Variants in IRAK3 observed in about 807,000 individuals in gnomAD.
The protein encoded by IRAK3 is interleukin 1 receptor associated kinase 3.
In IRAK3, 57 loss-of-function variants were observed where a neutral mutation model predicts 56.6. The observed-to-expected ratio is 1.01, with a 90% CI of 0.81 to 1.26. IRAK3 has a LOEUF of 1.26. Among genes scored for constraint, IRAK3 ranks in the 50% most tolerant of loss-of-function variants. IRAK3 has a pLI of 0.00. For synonymous variants in IRAK3, 258 were observed against 255.7 expected (o/e 1.01, Z -0.09); for missense variants, 703 against 719.0 (o/e 0.98, Z 0.25).
chr12:66,235,244 TTGC>T, intron 8 of IRAK3: 1 of 1,598,998 alleles, frequency 6.3e-7, no homozygotes, highest in African/African-American at 1.3e-5. Flanking sequence ...CGTCCGGCAG[TTGC>T]TGCTGCCCCC....
chr12:66,235,137 T>A, intron 8 of IRAK3: 1 of 1,612,150 alleles, frequency 6.2e-7, no homozygotes, highest in Middle Eastern at 1.7e-4. Context: ...CATCCTGAGT[T>A]GCTGCTGCTG....
chr12:66,193,627 G>A (rs570894657), intron 1 of IRAK3, among the ~76,000 whole-genome samples: 1 of 56,952 alleles, frequency 1.8e-5, no homozygotes, highest in Non-Finnish European at 3.7e-5. Flanking sequence ...GACTTTCCTC[G>A]TTTTGAGGAG....
intron 2 of IRAK3, among the ~76,000 whole-genome samples, chr12:66,204,984 G>A (rs2052545482): frequency 6.6e-6 from 1 of 152,080 alleles, no homozygotes. Flanking sequence ...TCTTCACTTA[G>A]TTTAGGGCAG....
At chr12:66,191,098 C>CTCAAA (rs2052394703) in intron 1 of IRAK3, among the ~76,000 whole-genome samples, 1 of 152,114 alleles carries the variant, frequency 6.6e-6, no homozygotes, top group Non-Finnish European at 1.5e-5. Context: ...CAAAAGCAGA[C>CTCAAA]AGAGGATGGA....
chr12:66,235,355 G>A (rs1442970508), intron 8 of IRAK3: 8 of 1,041,548 alleles, frequency 7.7e-6, no homozygotes, highest in South Asian at 4.4e-5. Flanking sequence ...CGCCGCGAGG[G>A]GGAGGACGCA....
rs547408077 is a variant in IRAK3, at chr12:66,209,624, C to T, written c.381+104C>T. ...CAGAAAAATGCTGGATTTGCCGGCA[C>T]TTTTTAAAAATCAGAAATGCCTTTG... On this transcript the variant is annotated intron_variant, in intron 3 of 11. Coordinates refer to ENST00000261233, the MANE Select transcript of IRAK3 (RefSeq NM_007199.3). The T allele has an allele frequency of 3.9e-6, 3 of 776,644 alleles. No individual in the cohort carries two copies. The East Asian group carries it at 7.4e-5, about 19-fold the overall frequency. The allele number at this position is 776,644 out of a possible 1,614,324, so 48.1% of individuals were successfully genotyped here.
intron 2 of IRAK3, among the ~76,000 whole-genome samples, chr12:66,204,772 C>G (rs1311145119): frequency 9.0e-6 from 1 of 111,456 alleles, no homozygotes; most frequent in African/African-American, 4.4e-5. Context: ...GCGCATGAGC[C>G]CTTGCGCACA....
intron 8 of IRAK3, among the ~76,000 whole-genome samples, chr12:66,240,387 C>G (rs2052954367): frequency 6.6e-6 from 1 of 152,182 alleles, no homozygotes; most frequent in African/African-American, 2.4e-5. Context: ...TACTGTGTCT[C>G]TCAGACCTGC....
Position 66,245,275 on chromosome 12 carries a change from A to G in IRAK3, c.1314+13A>G, listed in dbSNP as rs372778511. 15 of 1,613,680 alleles carry G rather than the reference A, an allele frequency of 9.3e-6. 1 individual carries two copies. Among genetic ancestry groups the G allele is most frequent in the South Asian group, 7.7e-5 (7 of 91,060 alleles). On this transcript the variant is annotated intron_variant, in intron 11 of 11. Coordinates refer to ENST00000261233, the MANE Select transcript of IRAK3 (RefSeq NM_007199.3). The stretch of plus-strand genomic sequence containing the variant: ...ATCAATGGATGAAGTGAGTATATAC[A>G]TGGTTTTATTCAAAACTGAGCCCAC...
chr12:66,249,191 T>G lies in IRAK3; in HGVS notation c.*1020T>G, dbSNP rs1048382217. The G allele has an allele frequency of 6.6e-6, 1 of 151,816 alleles. No individual in the cohort carries two copies. The highest frequency in any genetic ancestry group is 1.5e-5 in the Non-Finnish European group (1 of 67,972). 9.4% of individuals were successfully genotyped at this position (151,816 alleles called of 1,614,324 possible). Reference sequence around the variant, plus strand: ...ATCTCTTTTTTTTTTTGAGACGGAGTCTCGCTCTGTCATCCAGGCTGGAGT... The same window carrying G: ...ATCTCTTTTTTTTTTTGAGACGGAGGCTCGCTCTGTCATCCAGGCTGGAGT... On this transcript the variant is annotated 3_prime_UTR_variant, in exon 12 of 12. Transcript: ENST00000261233.
At chr12:66,227,690 A>G (rs2052801157) in intron 7 of IRAK3, among the ~76,000 whole-genome samples, 1 of 150,156 alleles carries the variant, frequency 6.7e-6, no homozygotes, top group Non-Finnish European at 1.5e-5. Flanking sequence ...GCCCAGGGAC[A>G]TGGAGGCTGT....
At chr12:66,209,333 A>C in intron 2 of IRAK3, 123 bp from the exon 3 acceptor site, 1 of 684,284 alleles carries the variant, frequency 1.5e-6, no homozygotes, top group South Asian at 1.6e-5. Context: ...GTAATGTTGC[A>C]TGGGAATGAA....
At chr12:66,242,021 C>A (rs2052975193) in intron 8 of IRAK3, among the ~76,000 whole-genome samples, 1 of 152,090 alleles carries the variant, frequency 6.6e-6, no homozygotes, top group Non-Finnish European at 1.5e-5. Context: ...AAAAATTCAG[C>A]TTTTGCAGTC....
rs763408595 is a variant in IRAK3, at chr12:66,245,032, G to A, written c.1149+22G>A. The A allele has an allele frequency of 2.8e-5, 45 of 1,613,600 alleles. 1 individual carries two copies. The South Asian group carries it at 4.7e-4, about 17-fold the overall frequency. ...GCTGGTAAGAATTGTTTTCATCCTG[G>A]CACCTATCTCTTGGTCATTTTTTGA... On this transcript the variant is annotated intron_variant, in intron 10 of 11. Coordinates refer to ENST00000261233, the MANE Select transcript of IRAK3 (RefSeq NM_007199.3).
intron 8 of IRAK3, among the ~76,000 whole-genome samples, chr12:66,244,151 G>A (rs1268976884): frequency 2.0e-5 from 3 of 152,220 alleles, no homozygotes; most frequent in Non-Finnish European, 4.4e-5. Flanking sequence ...TTCTCCGTAA[G>A]TGTAAGAAAA....
At chr12:66,200,818 G>A (rs115281704) in intron 1 of IRAK3, among the ~76,000 whole-genome samples, 7 of 152,222 alleles carry the variant, frequency 4.6e-5, no homozygotes, top group African/African-American at 1.7e-4. Flanking sequence ...ACTTTTGTGT[G>A]TTTGTGTGTG....
At chr12:66,221,362 G>A (rs906524422) in intron 6 of IRAK3, among the ~76,000 whole-genome samples, 2 of 151,740 alleles carry the variant, frequency 1.3e-5, no homozygotes, top group Non-Finnish European at 2.9e-5. Flanking sequence ...CTTTTTTATT[G>A]CCTAATTGCT....
rs150707996 is a variant in IRAK3 at position 66,205,045 on chromosome 12, C to T, written c.316+1152C>T. ...TGAGCAAGTGAAATTCAGTGAGTCC[C>T]TGGGAACTGTAAATGCAATGCCTTT... On this transcript the variant is annotated intron_variant, in intron 2 of 11. Coordinates refer to ENST00000261233, the MANE Select transcript of IRAK3 (RefSeq NM_007199.3). Among the ~76,000 whole-genome samples the T allele has an allele frequency of 7.6e-3, 1,158 of 152,308 alleles. 22 individuals are homozygous for T. Among genetic ancestry groups the T allele is most frequent in the African/African-American group, 0.026 (1,079 of 41,564 alleles).
At position 66,244,471 on chromosome 12, in the gene IRAK3, T is replaced by G; in HGVS notation, c.888-15T>G. ...TATGATATTTTGTCTTGTTTGTCCC[T>G]GATCACAATTTTAGTGCAAACATCC... is the stretch of plus-strand genomic sequence containing the variant. On this transcript the variant is annotated splice_polypyrimidine_tract_variant and intron_variant, in intron 8 of 11. Transcript: ENST00000261233. 6.2e-7 allele frequency: 1 copy of G among 1,608,564 alleles called. No individual in the cohort carries two copies. Among genetic ancestry groups the G allele is most frequent in the Non-Finnish European group, 8.5e-7 (1 of 1,174,940 alleles).
Sources: allele counts gnomAD v4.1 joint callset (sites outside exome capture counted in the v4.1 genomes callset), GRCh38; gene constraint gnomAD v4.1.1; transcripts MANE v1.5; gene names NCBI Gene and HGNC (gene_info 2026-07-23, HGNC 2026-07-21).